The following TIAM1 variants were observed in gnomAD, a reference collection of about 807,000 sequenced individuals.
TIAM1 encodes the protein TIAM Rac1 associated GEF 1, also known as rho guanine nucleotide exchange factor TIAM1.
In TIAM1, 65 loss-of-function variants were observed where a neutral mutation model predicts 163.5. That is an observed-to-expected ratio of 0.40 (90% confidence interval 0.33 to 0.49). TIAM1 has a LOEUF of 0.49. Ranked by LOEUF, TIAM1 falls within the 20% of genes least tolerant of loss-of-function variation. The pLI, the probability that TIAM1 is intolerant of heterozygous loss-of-function variation, is 0.77. For missense variants in TIAM1, 1,789 were observed against 2,044.7 expected (o/e 0.87, Z 2.41); for synonymous variants, 833 against 810.1 (o/e 1.03, Z -0.48).
intron 1 of TIAM1, among the ~76,000 whole-genome samples, chr21:31,495,955 G>A (rs1364940007): frequency 6.6e-6 from 1 of 151,374 alleles, no homozygotes; most frequent in Non-Finnish European, 1.5e-5. Context: ...CTGAGTGACA[G>A]AGTGAGGGTC....
Position 31,120,058 on chromosome 21 carries a change from T to G in TIAM1, c.*310A>C, listed in dbSNP as rs1008090524. 1 of 262,874 alleles carries G rather than the reference T, an allele frequency of 3.8e-6. No homozygotes were observed. Among genetic ancestry groups the G allele is most frequent in the Non-Finnish European group, 7.2e-6 (1 of 139,646 alleles). The allele number at this position is 262,874 out of a possible 1,614,324, so 16.3% of individuals were successfully genotyped here. ...TACATCCGTTAACTCCTGGGGTGAT[T>G]TGCTTTCCAGTGCTATAGAATCTTT... On this transcript the variant is annotated 3_prime_UTR_variant, in exon 28 of 28. Coordinates refer to ENST00000541036, the MANE Select transcript of TIAM1 (RefSeq NM_001353694.2). This position sits in a 1 kb window ranked among gnomAD's most constrained non-coding sequence, Gnocchi z 4.2.
At chr21:31,464,646 C>T (rs2045456889) in intron 1 of TIAM1, among the ~76,000 whole-genome samples, 1 of 150,976 alleles carries the variant, frequency 6.6e-6, no homozygotes. Context: ...AGTTCAAGAC[C>T]AGCCTGGCCA....
intron 15 of TIAM1, among the ~76,000 whole-genome samples, chr21:31,169,585 G>A (rs2084406243): frequency 6.6e-6 from 1 of 152,086 alleles, no homozygotes; most frequent in South Asian, 2.1e-4. Flanking sequence ...GAGAAACAAA[G>A]AATGAGAAAG....
intron 2 of TIAM1, among the ~76,000 whole-genome samples, chr21:31,384,401 CAAAAAAA>C (rs5843516): frequency 2.8e-4 from 30 of 107,832 alleles, no homozygotes; most frequent in South Asian, 9.7e-4. Flanking sequence ...CCCATCTCTA[CAAAAAAA>C]AAAAAAAAAA....
At chr21:31,345,136 C>T (rs560873510), upstream of TIAM1, among the ~76,000 whole-genome samples, 11 of 152,186 alleles carry the variant, frequency 7.2e-5, no homozygotes, top group East Asian at 3.9e-4. Context: ...AAGAAGAAAA[C>T]GGTAAATCTG....
intron 1 of TIAM1, among the ~76,000 whole-genome samples, chr21:31,509,065 G>C (rs1254736006): frequency 1.3e-5 from 2 of 152,178 alleles, no homozygotes; most frequent in Non-Finnish European, 2.9e-5. Flanking sequence ...CTGGGTCATA[G>C]AGCAGGCCAC....
At chr21:31,543,797 G>A (rs2048397468) in intron 1 of TIAM1, among the ~76,000 whole-genome samples, 1 of 152,186 alleles carries the variant, frequency 6.6e-6, no homozygotes, top group African/African-American at 2.4e-5. Flanking sequence ...GGACCAGTAG[G>A]GCTAGCCATA....
chr21:31,322,534 C>T (rs2075352334), intron 2 of TIAM1, among the ~76,000 whole-genome samples: 1 of 152,196 alleles, frequency 6.6e-6, no homozygotes, highest in African/African-American at 2.4e-5. Context: ...GGGCACCCTG[C>T]TCGCCTGTGA....
At chr21:31,123,876 G>C (rs2082088392) in intron 27 of TIAM1, 1 of 152,178 alleles carries the variant, frequency 6.6e-6, no homozygotes, top group African/African-American at 2.4e-5. Flanking sequence ...CCACTGTAAT[G>C]GATTAAGTCC....
chr21:31,434,436 AATAG>A (rs2044143291), intron 2 of TIAM1, among the ~76,000 whole-genome samples: 1 of 152,180 alleles, frequency 6.6e-6, no homozygotes, highest in Non-Finnish European at 1.5e-5. Context: ...TTGAAGCTGA[AATAG>A]ATAACCATGC....
intron 2 of TIAM1, among the ~76,000 whole-genome samples, chr21:31,303,965 G>A (rs1403189398): frequency 6.6e-6 from 1 of 152,108 alleles, no homozygotes; most frequent in Non-Finnish European, 1.5e-5. Flanking sequence ...GCAACAGAGT[G>A]AGACGCCATC....
intron 2 of TIAM1, among the ~76,000 whole-genome samples, chr21:31,403,249 G>T (rs2077194527): frequency 6.6e-6 from 1 of 152,158 alleles, no homozygotes; most frequent in Admixed American, 6.5e-5. Flanking sequence ...TCCGGTTCAA[G>T]TGATTCTCCT....
intron 1 of TIAM1, among the ~76,000 whole-genome samples, chr21:31,341,937 T>C (rs564954806): frequency 6.6e-6 from 1 of 152,220 alleles, no homozygotes; most frequent in African/African-American, 2.4e-5. Context: ...AAATTGATAA[T>C]ACATTAGCAA....
intron 1 of TIAM1, among the ~76,000 whole-genome samples, chr21:31,492,435 G>A (rs1340831951): frequency 6.6e-6 from 1 of 152,176 alleles, no homozygotes; most frequent in Non-Finnish European, 1.5e-5. Context: ...ATGTAAGAAT[G>A]CAGATTCACT....
At chr21:31,132,135 A>G (rs151051796) in intron 23 of TIAM1, among the ~76,000 whole-genome samples, 1 of 152,352 alleles carries the variant, frequency 6.6e-6, no homozygotes, top group African/African-American at 2.4e-5. Context: ...AGGAACAAAC[A>G]TTCAGAGAAT....
chr21:31,153,987 G>A (rs888510364), intron 17 of TIAM1, among the ~76,000 whole-genome samples: 4 of 151,980 alleles, frequency 2.6e-5, no homozygotes, highest in East Asian at 1.9e-4. Flanking sequence ...TTACTTGAGC[G>A]CAGGAAGTAA....
chr21:31,540,910 T>C (rs952349190), intron 1 of TIAM1, among the ~76,000 whole-genome samples: 1 of 152,048 alleles, frequency 6.6e-6, no homozygotes, highest in Non-Finnish European at 1.5e-5. Context: ...CAAAATAAAG[T>C]GAAATGATTA....
At chr21:31,328,968 T>C (rs1166115351) in intron 2 of TIAM1, among the ~76,000 whole-genome samples, 1 of 152,186 alleles carries the variant, frequency 6.6e-6, no homozygotes, top group Non-Finnish European at 1.5e-5. Flanking sequence ...CTTGTCATCA[T>C]TCCCTAAACA....
chr21:31,200,361 T>C (rs991735732), intron 12 of TIAM1, among the ~76,000 whole-genome samples: 7 of 152,186 alleles, frequency 4.6e-5, no homozygotes, highest in Non-Finnish European at 1.0e-4. Context: ...GTGATATCTT[T>C]ATATTTACAA....
Sources: gnomAD v4.1 joint callset for allele counts (sites outside exome capture counted in the v4.1 genomes callset) on GRCh38, gnomAD v4.1.1 for gene constraint, Gnocchi (gnomAD v3.1) non-coding constraint, MANE v1.5 for transcripts, NCBI Gene and HGNC (gene_info 2026-07-23, HGNC 2026-07-21) for gene names.